The following INTU variants were observed in gnomAD, a reference collection of about 807,000 sequenced individuals.
INTU encodes the protein protein inturned.
In INTU, 68 loss-of-function variants were observed where a neutral mutation model predicts 100.5. The ratio of observed to expected loss-of-function variants is 0.68; its 90% CI spans 0.56 to 0.83. The LOEUF (loss-of-function observed/expected upper bound fraction) is 0.83, where lower values mean the gene tolerates loss of function less well. Among genes scored for constraint, INTU ranks in the 40% least tolerant of loss-of-function variants. The pLI is 0.00. For missense variants in INTU, 1,071 were observed against 1,114.7 expected (o/e 0.96, Z 0.56); for synonymous variants, 357 against 395.7 (o/e 0.90, Z 1.16).
intron 6 of INTU, 28 bp downstream of exon 6, chr4:127,674,241 A>G (rs764781959): frequency 2.0e-6 from 3 of 1,480,756 alleles, no homozygotes; most frequent in South Asian, 2.4e-5. Flanking sequence ...TTACCTTAAA[A>G]TCATTTCCAA....
intron 3 of INTU, among the ~76,000 whole-genome samples, chr4:127,658,422 T>C (rs1359201908): frequency 6.6e-6 from 1 of 152,160 alleles, no homozygotes; most frequent in Non-Finnish European, 1.5e-5. Flanking sequence ...CTTTAGTCAC[T>C]AGATGTGGGG....
At chr4:127,681,339 C>A (rs1729535869) in intron 6 of INTU, among the ~76,000 whole-genome samples, 2 of 152,312 alleles carry the variant, frequency 1.3e-5, no homozygotes, top group South Asian at 4.1e-4. Flanking sequence ...ATCACCCTAC[C>A]TGACTTCAAA....
At position 127,719,756 on chromosome 4, in the gene INTU, G is replaced by A. The variant is rs941132121; in HGVS notation, c.*3320G>A. Reference sequence around the variant, plus strand: ...ATTTATCCATTTCTTCTAGATTTTCGAGTTTATTTGCACCGAGCTGTTATA... The same window carrying A: ...ATTTATCCATTTCTTCTAGATTTTCAAGTTTATTTGCACCGAGCTGTTATA... On this transcript the variant is annotated 3_prime_UTR_variant, in exon 16 of 16. Coordinates refer to ENST00000335251, the MANE Select transcript of INTU (RefSeq NM_015693.4). 2.0e-5 allele frequency: 3 copies of A among 151,974 alleles called. No homozygotes were observed. Among genetic ancestry groups the A allele is most frequent in the Admixed American group, 6.6e-5 (1 of 15,230 alleles). 9.4% of individuals were successfully genotyped at this position (151,974 alleles called of 1,614,324 possible). A position where few individuals can be genotyped will look rare whatever the true frequency, so the allele number is the denominator to read the frequency against.
At chr4:127,667,293 T>G (rs1728740960) in intron 4 of INTU, among the ~76,000 whole-genome samples, 1 of 152,140 alleles carries the variant, frequency 6.6e-6, no homozygotes, top group South Asian at 2.1e-4. Context: ...TTATTCTTAT[T>G]GAACAGAGTG....
chr4:127,656,334 C>T (rs538319606), intron 2 of INTU, among the ~76,000 whole-genome samples: 6 of 152,232 alleles, frequency 3.9e-5, no homozygotes, highest in Non-Finnish European at 7.4e-5. Flanking sequence ...TCCATTTGTT[C>T]TTTGGGTTTA....
chr4:127,665,616 C>G (rs1342520538), intron 4 of INTU, among the ~76,000 whole-genome samples: 3 of 152,130 alleles, frequency 2.0e-5, no homozygotes, highest in Non-Finnish European at 4.4e-5. Context: ...AAGTTTAGAT[C>G]TCATTTCATT....
intron 8 of INTU, among the ~76,000 whole-genome samples, chr4:127,688,971 C>CTTTTTTTTTTTTTTTTTTTTTTTTT (rs763570146): frequency 1.1e-5 from 1 of 88,026 alleles, no homozygotes; most frequent in Non-Finnish European, 2.4e-5. Context: ...TTCTTTCTTT[C>CTTTTTTTTTTTTTTTTTTTTTTTTT]TTTTTTTTTT....
rs139177926 is a variant in INTU at position 127,639,126 on chromosome 4, T to G, written c.147-4395T>G. Reference sequence around the variant, plus strand: ...ATTTGTCAAAACAAGACATGAATATTGGTCATTTCTGTTAACTAAACTCCA... The same window carrying G: ...ATTTGTCAAAACAAGACATGAATATGGGTCATTTCTGTTAACTAAACTCCA... On this transcript the variant is annotated intron_variant, in intron 1 of 15. Coordinates refer to ENST00000335251, the MANE Select transcript of INTU (RefSeq NM_015693.4). Among the ~76,000 whole-genome samples, 14 of 152,294 alleles carry G rather than the reference T, an allele frequency of 9.2e-5. No homozygotes were observed. In the East Asian group the frequency reaches 2.5e-3, roughly 27 times the overall value.
At chr4:127,713,148 A>AT (rs1333174849) in intron 14 of INTU, among the ~76,000 whole-genome samples, 12 of 152,202 alleles carry the variant, frequency 7.9e-5, no homozygotes, top group Admixed American at 1.3e-4. Flanking sequence ...ATGATCCGTA[A>AT]TTTTTTTAAA....
At chr4:127,642,487 G>C (rs1415698409) in intron 1 of INTU, among the ~76,000 whole-genome samples, 1 of 152,204 alleles carries the variant, frequency 6.6e-6, no homozygotes, top group East Asian at 1.9e-4. Context: ...TGACTTTTAA[G>C]TTAAGAGAAC....
rs772169120 is a variant in INTU at position 127,710,989 on chromosome 4, A to G, written c.2446A>G (p.Thr816Ala). The G allele has an allele frequency of 2.5e-6, 4 of 1,605,534 alleles. No individual in the cohort carries two copies. The East Asian group carries it at 6.7e-5, about 27-fold the overall frequency. ...ETVQGIFITP[T>A]LEEVAQLSGS... ...AGTGCAAGGAATCTTTATTACTCCTACCCTTGAAGAGGTGGCACAGCTAAG... is the reference window on the plus strand; with the variant it reads ...AGTGCAAGGAATCTTTATTACTCCTGCCCTTGAAGAGGTGGCACAGCTAAG... Residue 816 changes from threonine to alanine, a missense_variant, in exon 14 of 16, where the codon ACC (threonine) becomes GCC (alanine). Thr to Ala is a moderately conservative substitution (Grantham distance 58). Coordinates refer to ENST00000335251, the MANE Select transcript of INTU (RefSeq NM_015693.4).
intron 2 of INTU, among the ~76,000 whole-genome samples, chr4:127,651,847 A>G (rs1174880707): frequency 6.6e-6 from 1 of 151,616 alleles, no homozygotes; most frequent in Non-Finnish European, 1.5e-5. Context: ...CTTCCTACAC[A>G]TGAGCATGGA....
In INTU at chr4:127,696,531, C is replaced by T. The variant is rs78593873; in HGVS notation, c.1450-3479C>T. 1.9e-3 allele frequency among the ~76,000 whole-genome samples: 293 copies of T among 151,924 alleles called. 2 individuals are homozygous for T. Among genetic ancestry groups the T allele is most frequent in the African/African-American group, 5.9e-3 (244 of 41,470 alleles). On this transcript the variant is annotated intron_variant, in intron 8 of 15. Coordinates refer to ENST00000335251, the MANE Select transcript of INTU (RefSeq NM_015693.4). The stretch of plus-strand genomic sequence containing the variant: ...CATGGACCCTGTACTAATGCCCCCC[C>T]CCTTTCATTTCTGGTATTAGTAATT...
intron 6 of INTU, among the ~76,000 whole-genome samples, chr4:127,678,706 T>C (rs926239206): frequency 6.6e-6 from 1 of 152,056 alleles, no homozygotes; most frequent in African/African-American, 2.4e-5. Flanking sequence ...ACGAGCAAAA[T>C]AACCAGCTAA....
At chr4:127,704,124 T>C (rs183127356) in intron 9 of INTU, 104 bp from the exon 10 acceptor site, 67 of 884,628 alleles carry the variant, frequency 7.6e-5, no homozygotes, top group Non-Finnish European at 1.1e-4. Context: ...ATGAAAAGTT[T>C]AGTTACTAAA....
At chr4:127,655,829 C>G (rs1578551741) in intron 2 of INTU, among the ~76,000 whole-genome samples, 1 of 152,380 alleles carries the variant, frequency 6.6e-6, no homozygotes, top group East Asian at 1.9e-4. Context: ...AGCCTCGCTG[C>G]CGCCTTGCAG....
chr4:127,705,514 A>G (rs143493300), intron 10 of INTU, 77 bp from the exon 11 acceptor site: 110 of 1,077,324 alleles, frequency 1.0e-4, no homozygotes, highest in East Asian at 9.5e-4. Flanking sequence ...AGAAGTGTCT[A>G]TGAAACTCTT....
chr4:127,646,693 T>C (rs1282957453), intron 2 of INTU, among the ~76,000 whole-genome samples: 2 of 152,160 alleles, frequency 1.3e-5, no homozygotes, highest in Non-Finnish European at 2.9e-5. Flanking sequence ...CTGATTTTTC[T>C]TCATTTAACA....
Position 127,711,117 on chromosome 4 carries a change from T to C in INTU, c.2559+15T>C, listed in dbSNP as rs1181683616. 4 of 1,536,038 alleles carry C rather than the reference T, an allele frequency of 2.6e-6. No homozygotes were observed. The Admixed American group carries it at 7.0e-5, about 27-fold the overall frequency. On this transcript the variant is annotated intron_variant, in intron 14 of 15. Coordinates refer to ENST00000335251, the MANE Select transcript of INTU (RefSeq NM_015693.4). ...TGGTGGAAGAGGTAGGGCACTGCTATAAATACAGTTTTCTGCCAGTTTAAT... is the reference window on the plus strand; with the variant it reads ...TGGTGGAAGAGGTAGGGCACTGCTACAAATACAGTTTTCTGCCAGTTTAAT...
Sources: allele counts gnomAD v4.1 joint callset (sites outside exome capture counted in the v4.1 genomes callset), GRCh38; gene constraint gnomAD v4.1.1; transcripts MANE v1.5; gene names NCBI Gene and HGNC (gene_info 2026-07-23, HGNC 2026-07-21).